The following CORO2B variants were observed in gnomAD, a reference collection of about 807,000 sequenced individuals.
CORO2B encodes coronin-2B.
Under a neutral mutation model 58.8 loss-of-function variants are expected in CORO2B, and 26 were observed. The ratio of observed to expected loss-of-function variants is 0.44; its 90% CI spans 0.32 to 0.61. The LOEUF (loss-of-function observed/expected upper bound fraction) is 0.61. CORO2B is among the 20% of genes least tolerant of loss of function. The pLI, the probability that CORO2B is intolerant of heterozygous loss-of-function variation, is 0.04. For synonymous variants in CORO2B, 242 were observed against 253.8 expected, an observed-to-expected ratio of 0.95 and a Z score of 0.44; for missense variants, 460 against 645.1, an observed-to-expected ratio of 0.71 and a Z score of 3.11.
At chr15:68,565,111 TA>T in the CORO2B span, among the ~76,000 whole-genome samples, 14 of 152,284 alleles carry the variant, frequency 9.2e-5, no homozygotes, top group Non-Finnish European at 1.9e-4. Flanking sequence ...TGAGCAAAGA[TA>T]GATAGACAAA....
chr15:68,717,717 G>A (rs1893065213), intron 8 of CORO2B, among the ~76,000 whole-genome samples: 1 of 152,214 alleles, frequency 6.6e-6, no homozygotes. Context: ...GAATCTGCTG[G>A]CTCTTAATCC....
the CORO2B span, among the ~76,000 whole-genome samples, chr15:68,544,240 A>G: frequency 6.6e-6 from 1 of 152,190 alleles, no homozygotes; most frequent in Admixed American, 6.5e-5. Context: ...TAAAAGGGAG[A>G]TACTGATGAT....
intron 1 of CORO2B, among the ~76,000 whole-genome samples, chr15:68,611,477 TC>T (rs1252982077): frequency 1.3e-5 from 2 of 152,170 alleles, no homozygotes; most frequent in Non-Finnish European, 2.9e-5. Context: ...CAGGAGCGTT[TC>T]CCCATTGTAT....
chr15:68,683,097 CA>C (rs1270633984), intron 2 of CORO2B, among the ~76,000 whole-genome samples: 1 of 152,168 alleles, frequency 6.6e-6, no homozygotes, highest in Non-Finnish European at 1.5e-5. Flanking sequence ...GCCTCTGGGC[CA>C]AAAAGCGAAG....
intron 1 of CORO2B, among the ~76,000 whole-genome samples, chr15:68,581,564 C>T (rs888569560): frequency 5.3e-5 from 8 of 152,152 alleles, no homozygotes; most frequent in African/African-American, 1.7e-4. Flanking sequence ...ATCCTTGGGC[C>T]TCTGTTTTTC....
chr15:68,595,255 C>A (rs7183039), intron 1 of CORO2B, among the ~76,000 whole-genome samples: 7,435 of 152,262 alleles, frequency 0.049, 651 homozygotes, highest in African/African-American at 0.17. Flanking sequence ...GACAAAGGGG[C>A]CCCCTCCCTC....
intron 2 of CORO2B, among the ~76,000 whole-genome samples, chr15:68,664,942 A>T (rs1201642239): frequency 6.6e-6 from 1 of 152,196 alleles, no homozygotes; most frequent in Admixed American, 6.5e-5. Context: ...AGTTGCAAGT[A>T]TACGTTTCAA....
chr15:68,669,090 A>AGAAGGAAG (rs1007335679), intron 2 of CORO2B, among the ~76,000 whole-genome samples: 1 of 151,126 alleles, frequency 6.6e-6, no homozygotes, highest in Admixed American at 6.7e-5. Context: ...AGAGAGAGAA[A>AGAAGGAAG]GAAGGAAGGA....
chr15:68,613,314 A>C (rs994735522), intron 1 of CORO2B, among the ~76,000 whole-genome samples: 1 of 152,236 alleles, frequency 6.6e-6, no homozygotes, highest in Non-Finnish European at 1.5e-5. Context: ...TGCAAAAAAC[A>C]AATCTTCAAA....
At chr15:68,672,835 C>T (rs1902448568) in intron 2 of CORO2B, among the ~76,000 whole-genome samples, 1 of 152,182 alleles carries the variant, frequency 6.6e-6, no homozygotes, top group Non-Finnish European at 1.5e-5. Flanking sequence ...CCCACCCCCA[C>T]CAAGTGGCCA....
At chr15:68,635,179 C>T (rs1449597437) in intron 1 of CORO2B, among the ~76,000 whole-genome samples, 1 of 152,194 alleles carries the variant, frequency 6.6e-6, no homozygotes, top group Admixed American at 6.5e-5. Context: ...CACTCCTCTC[C>T]CCACTGGTCT....
upstream of CORO2B, among the ~76,000 whole-genome samples, chr15:68,574,579 A>C (rs762681169): frequency 3.9e-5 from 6 of 152,158 alleles, no homozygotes; most frequent in Admixed American, 6.5e-5. Context: ...ATTCCTTGCT[A>C]TAGGGACCTG....
the CORO2B span, among the ~76,000 whole-genome samples, chr15:68,570,421 G>T: frequency 2.0e-5 from 3 of 152,220 alleles, no homozygotes; most frequent in South Asian, 6.2e-4. Context: ...TGGCCCCATA[G>T]AATGAGTTAG....
At chr15:68,546,675 A>G in the CORO2B span, among the ~76,000 whole-genome samples, 1 of 152,208 alleles carries the variant, frequency 6.6e-6, no homozygotes, top group Non-Finnish European at 1.5e-5. Context: ...AAATGAATGA[A>G]TGAATGAGTG....
intron 2 of CORO2B, among the ~76,000 whole-genome samples, chr15:68,655,630 G>A (rs561135012): frequency 6.6e-6 from 1 of 152,208 alleles, no homozygotes; most frequent in Non-Finnish European, 1.5e-5. Context: ...CTAAGGTGTC[G>A]ATGATAACAA....
In CORO2B at chr15:68,611,065, A is replaced by C. The variant is rs185768426; in HGVS notation, c.15+31788A>C. ...AGCTAAGCTAATCCAACCTCAGTTC[A>C]TCAACATGAGAAAATGCGCCCCACC... On this transcript the variant is annotated intron_variant, in intron 1 of 11. Coordinates refer to ENST00000261861, the MANE Select transcript of CORO2B (RefSeq NM_006091.5). Among the ~76,000 whole-genome samples, 12 of 152,338 alleles carry C rather than the reference A, an allele frequency of 7.9e-5. No homozygotes were observed. In the East Asian group the frequency reaches 2.3e-3, roughly 29 times the overall value.
chr15:68,672,479 A>G (rs1270005332), intron 2 of CORO2B, among the ~76,000 whole-genome samples: 6 of 151,480 alleles, frequency 4.0e-5, no homozygotes, highest in African/African-American at 9.7e-5. Context: ...GGGTCTCACT[A>G]TGTTGCCCAG....
At chr15:68,634,968 T>C (rs1900982792) in intron 1 of CORO2B, among the ~76,000 whole-genome samples, 1 of 152,166 alleles carries the variant, frequency 6.6e-6, no homozygotes, top group Non-Finnish European at 1.5e-5. Context: ...GTGGGCTTGG[T>C]TAAAATGCAC....
intron 1 of CORO2B, among the ~76,000 whole-genome samples, chr15:68,608,763 C>T (rs1373886790): frequency 2.0e-5 from 3 of 152,196 alleles, no homozygotes; most frequent in Non-Finnish European, 4.4e-5. Context: ...CTCCCGAATG[C>T]CCTTTCTCAG....
Sources: allele counts gnomAD v4.1 joint callset (sites outside exome capture counted in the v4.1 genomes callset), GRCh38; gene constraint gnomAD v4.1.1; transcripts MANE v1.5; gene names NCBI Gene and HGNC (gene_info 2026-07-23, HGNC 2026-07-21).